MBNL2: variants seen among roughly 807,000 people sequenced by gnomAD.
MBNL2 encodes the protein muscleblind like splicing regulator 2.
Under a neutral mutation model 41.9 loss-of-function variants are expected in MBNL2, and 17 were observed. The ratio of observed to expected loss-of-function variants is 0.41; its 90% CI spans 0.28 to 0.61. The LOEUF (loss-of-function observed/expected upper bound fraction) is 0.61, where lower values mean the gene tolerates loss of function less well. Ranked by LOEUF, MBNL2 falls within the 20% of genes least tolerant of loss-of-function variation. The pLI is 0.35. For missense variants in MBNL2, 336 were observed against 505.6 expected (o/e 0.66, Z 3.22); for synonymous variants, 195 against 182.9 (o/e 1.07, Z -0.53).
chr13:97,331,786 T>G (rs992811520), intron 2 of MBNL2, among the ~76,000 whole-genome samples: 6 of 152,180 alleles, frequency 3.9e-5, no homozygotes, highest in African/African-American at 1.2e-4. Context: ...AGTATGTAAG[T>G]AAGGACACTA....
the MBNL2 span, among the ~76,000 whole-genome samples, chr13:97,158,864 T>C: frequency 1.3e-5 from 2 of 151,956 alleles, no homozygotes; most frequent in African/African-American, 4.8e-5. Flanking sequence ...GAAAAAAATG[T>C]ATATTCTGTT....
chr13:97,314,987 C>G (rs986921407), intron 2 of MBNL2, among the ~76,000 whole-genome samples: 13 of 152,032 alleles, frequency 8.6e-5, no homozygotes, highest in Non-Finnish European at 1.8e-4. Flanking sequence ...TAGTAATATA[C>G]TCTTATTAAA....
At chr13:97,224,935 T>C (rs938592961) in intron 1 of MBNL2, among the ~76,000 whole-genome samples, 2 of 152,276 alleles carry the variant, frequency 1.3e-5, no homozygotes, top group Non-Finnish European at 1.5e-5. Flanking sequence ...CCACAGGCCT[T>C]GTAGTGCCCA....
the MBNL2 span, among the ~76,000 whole-genome samples, chr13:97,154,961 T>G: frequency 6.6e-6 from 1 of 152,128 alleles, no homozygotes; most frequent in Non-Finnish European, 1.5e-5. Context: ...TATTGGGGAC[T>G]TTTTTGATTA....
At chr13:97,359,551 A>G (rs2153109510) in intron 7 of MBNL2, among the ~76,000 whole-genome samples, 1 of 152,356 alleles carries the variant, frequency 6.6e-6, no homozygotes. Context: ...AGCAAGGATA[A>G]ACAACATCCC....
chr13:97,170,456 A>G, the MBNL2 span, among the ~76,000 whole-genome samples: 28 of 152,214 alleles, frequency 1.8e-4, no homozygotes, highest in Non-Finnish European at 3.1e-4. Flanking sequence ...GAATCCAGCC[A>G]CACCACGCAG....
At chr13:97,338,129 G>A (rs894137546) in intron 3 of MBNL2, among the ~76,000 whole-genome samples, 1 of 152,110 alleles carries the variant, frequency 6.6e-6, no homozygotes, top group African/African-American at 2.4e-5. Context: ...ATCTTACTGG[G>A]ACAAAGCCGA....
At chr13:97,210,796 C>T in the MBNL2 span, among the ~76,000 whole-genome samples, 2 of 151,920 alleles carry the variant, frequency 1.3e-5, no homozygotes, top group East Asian at 3.9e-4. Flanking sequence ...GTGATCCACC[C>T]GCCTTGGCCT....
intron 1 of MBNL2, among the ~76,000 whole-genome samples, chr13:97,273,923 T>C (rs2051618709): frequency 6.6e-6 from 1 of 152,088 alleles, no homozygotes; most frequent in Non-Finnish European, 1.5e-5. Context: ...TATCTGGGCA[T>C]GGTGGTGGGC....
At chr13:97,328,573 G>T (rs9582125) in intron 2 of MBNL2, among the ~76,000 whole-genome samples, 1 of 152,080 alleles carries the variant, frequency 6.6e-6, no homozygotes, top group Non-Finnish European at 1.5e-5. Flanking sequence ...CCAGCCCTTC[G>T]CTAGAATCGT....
chr13:97,289,010 A>C lies in MBNL2; in HGVS notation c.174+12601A>C, dbSNP rs78110420. On this transcript the variant is annotated intron_variant, in intron 2 of 8. Transcript: ENST00000679496. ...TATTGCCAGGGGAAGGAGAAAAAGA[A>C]AATGACTTAGAGGCCTTAACCTAGT... 2.5e-3 allele frequency among the ~76,000 whole-genome samples: 377 copies of C among 152,360 alleles called. 2 individuals carry two copies. Among genetic ancestry groups the C allele is most frequent in the African/African-American group, 8.5e-3 (353 of 41,594 alleles).
chr13:97,385,677 T>G (rs572073176), intron 8 of MBNL2, among the ~76,000 whole-genome samples: 6 of 152,322 alleles, frequency 3.9e-5, no homozygotes, highest in South Asian at 2.1e-4. Context: ...AGAAGTCACC[T>G]AGAAGCCCAC....
chr13:97,209,827 G>C, the MBNL2 span, among the ~76,000 whole-genome samples: 1 of 152,084 alleles, frequency 6.6e-6, no homozygotes, highest in Non-Finnish European at 1.5e-5. Flanking sequence ...GCAAGATCTT[G>C]CTCTGTCACC....
chr13:97,179,271 C>T, the MBNL2 span: 1 of 152,244 alleles, frequency 6.6e-6, no homozygotes, highest in Non-Finnish European at 1.5e-5. Context: ...TTGTTCAATA[C>T]CATGAATTCT....
At chr13:97,208,534 C>T in the MBNL2 span, among the ~76,000 whole-genome samples, 4 of 152,088 alleles carry the variant, frequency 2.6e-5, no homozygotes, top group Non-Finnish European at 5.9e-5. Flanking sequence ...ATCAATCTCC[C>T]GGGGTGTAGA....
Position 97,232,095 on chromosome 13 carries a change from AAG to A in MBNL2, c.-605+9566_-605+9567del, listed in dbSNP as rs1490935261. 1.6e-4 allele frequency among the ~76,000 whole-genome samples: 9 copies of A among 54,666 alleles called. No homozygotes were observed. The East Asian group carries it at 2.0e-3, about 12-fold the overall frequency. 35.9% of individuals were successfully genotyped at this position (54,666 alleles called of 152,430 possible). A position where few individuals can be genotyped will look rare whatever the true frequency, so the allele number is the denominator to read the frequency against. On this transcript the variant is annotated intron_variant, in intron 1 of 8. Coordinates refer to ENST00000679496, the MANE Select transcript of MBNL2 (RefSeq NM_001382683.1). ...GTTTTAAAGTCTTGTAATAGAAACG[AAG>A]ACATTATGAGAAGAGACAGCTGTCT...
chr13:97,298,780 A>G (rs560511878), intron 2 of MBNL2, among the ~76,000 whole-genome samples: 12 of 152,290 alleles, frequency 7.9e-5, no homozygotes, highest in Non-Finnish European at 1.2e-4. Flanking sequence ...AATGATGGGG[A>G]AGTTTTATTC....
At chr13:97,329,817 T>C (rs2060273521) in intron 2 of MBNL2, among the ~76,000 whole-genome samples, 1 of 110,572 alleles carries the variant, frequency 9.0e-6, no homozygotes, top group Non-Finnish European at 1.9e-5. Context: ...CATACATGCA[T>C]ACACATGCAA....
chr13:97,343,047 C>G lies in MBNL2; in HGVS notation c.371C>G (p.Thr124Arg). The change falls in exon 4 of 9, where the codon ACA becomes AGA. Residue 124 changes from threonine (T) to arginine (R), a missense_variant. Coordinates refer to ENST00000679496, the MANE Select transcript of MBNL2 (RefSeq NM_001382683.1). ...PTFPVGPAIG[T>R]NTAISFAPYL... Reference sequence around the variant, plus strand: ...TTCCCTGTAGGTCCCGCGATAGGGACAAATACGGCTATTAGCTTTGCTCCT... The same window carrying G: ...TTCCCTGTAGGTCCCGCGATAGGGAGAAATACGGCTATTAGCTTTGCTCCT... The G allele has an allele frequency of 6.2e-7, 1 of 1,613,850 alleles. No homozygotes were observed. Among genetic ancestry groups the G allele is most frequent in the Non-Finnish European group, 8.5e-7 (1 of 1,179,734 alleles).
Sources: allele counts gnomAD v4.1 joint callset (sites outside exome capture counted in the v4.1 genomes callset), GRCh38; gene constraint gnomAD v4.1.1; transcripts MANE v1.5; gene names NCBI Gene and HGNC (gene_info 2026-07-23, HGNC 2026-07-21).